Variants in SFXN5 observed in about 807,000 individuals in gnomAD.
SFXN5 encodes the protein sideroflexin 5, also known as sideroflexin-5.
Under a neutral mutation model 50.2 loss-of-function variants are expected in SFXN5, and 43 were observed. The observed-to-expected ratio is 0.86, with a 90% CI of 0.67 to 1.11. The LOEUF is 1.11. SFXN5 is among the 50% of genes least tolerant of loss of function. The probability of loss-of-function intolerance (pLI) is 0.00; values close to 1 mark genes in which losing one functional copy is unlikely to be tolerated. For missense variants in SFXN5, 463 were observed against 454.1 expected (o/e 1.02, Z -0.18); for synonymous variants, 203 against 185.8 (o/e 1.09, Z -0.75).
At chr2:72,948,590 G>A (rs1672196115) in intron 13 of SFXN5, among the ~76,000 whole-genome samples, 2 of 152,222 alleles carry the variant, frequency 1.3e-5, no homozygotes, top group Non-Finnish European at 2.9e-5. Flanking sequence ...CACCATGCAG[G>A]ACCACGGCCC....
At chr2:72,974,525 C>T (rs1458005080) in intron 10 of SFXN5, among the ~76,000 whole-genome samples, 1 of 152,146 alleles carries the variant, frequency 6.6e-6, no homozygotes, top group Non-Finnish European at 1.5e-5. Flanking sequence ...ATGATGGTAC[C>T]TGCCCCCTCC....
intron 9 of SFXN5, among the ~76,000 whole-genome samples, chr2:72,989,738 G>A (rs530916946): frequency 6.6e-6 from 1 of 152,214 alleles, no homozygotes; most frequent in African/African-American, 2.4e-5. Context: ...GTGGAGAAAT[G>A]CATACAAGTG....
chr2:73,037,695 T>C (rs1351592593), intron 3 of SFXN5, among the ~76,000 whole-genome samples: 4 of 152,184 alleles, frequency 2.6e-5, no homozygotes, highest in Non-Finnish European at 4.4e-5. Flanking sequence ...TCAACAGCTA[T>C]ATTGGAACCC....
chr2:72,963,109 CAG>C (rs1036121233), intron 12 of SFXN5, among the ~76,000 whole-genome samples: 7 of 152,302 alleles, frequency 4.6e-5, no homozygotes, highest in Admixed American at 2.0e-4. Context: ...AAGCTTCATA[CAG>C]AGTCTGGAGG....
intron 3 of SFXN5, among the ~76,000 whole-genome samples, chr2:73,031,131 C>A (rs1450546817): frequency 6.6e-6 from 1 of 152,212 alleles, no homozygotes; most frequent in Non-Finnish European, 1.5e-5. Context: ...ATTGTGTTGT[C>A]CATAGTCATA....
chr2:73,011,333 G>A (rs568646181), intron 6 of SFXN5, among the ~76,000 whole-genome samples: 2 of 152,342 alleles, frequency 1.3e-5, no homozygotes, highest in South Asian at 2.1e-4. Context: ...GGGATTACAC[G>A]TGTGAGCCAC....
intron 1 of SFXN5, chr2:73,071,377 G>A: frequency 1.9e-6 from 1 of 534,746 alleles, no homozygotes. Context: ...CGGGCAGTCG[G>A]GGAGTGACGG....
At chr2:73,016,634 T>C (rs1175065740) in intron 6 of SFXN5, among the ~76,000 whole-genome samples, 1 of 152,152 alleles carries the variant, frequency 6.6e-6, no homozygotes, top group Non-Finnish European at 1.5e-5. Flanking sequence ...GAACCTGGCA[T>C]CCGAGGCTGC....
At chr2:72,988,917 T>C (rs1427415018) in intron 9 of SFXN5, among the ~76,000 whole-genome samples, 2 of 151,920 alleles carry the variant, frequency 1.3e-5, no homozygotes, top group African/African-American at 4.8e-5. Context: ...CTGGACTCAC[T>C]GTCATCGCCT....
intron 3 of SFXN5, among the ~76,000 whole-genome samples, chr2:73,034,850 T>C (rs564659523): frequency 2.2e-4 from 33 of 152,326 alleles, no homozygotes; most frequent in African/African-American, 7.7e-4. Context: ...CCCCACACAA[T>C]GCATCCAGCA....
chr2:72,971,044 G>A (rs1267880014), intron 11 of SFXN5, among the ~76,000 whole-genome samples: 1 of 152,138 alleles, frequency 6.6e-6, no homozygotes, highest in African/African-American at 2.4e-5. Flanking sequence ...TGAAACCAGT[G>A]GCGAAAGAAG....
intron 9 of SFXN5, among the ~76,000 whole-genome samples, chr2:72,991,505 G>A (rs1457326668): frequency 6.6e-6 from 1 of 152,276 alleles, no homozygotes; most frequent in Non-Finnish European, 1.5e-5. Flanking sequence ...GATGGGCCCA[G>A]TGGCAGGGAG....
At chr2:72,946,434 C>A (rs529746640) in intron 13 of SFXN5, among the ~76,000 whole-genome samples, 1 of 152,178 alleles carries the variant, frequency 6.6e-6, no homozygotes, top group African/African-American at 2.4e-5. Flanking sequence ...TTCACGACAC[C>A]CACTGCATGC....
chr2:73,021,727 C>T (rs1056485509), intron 5 of SFXN5, among the ~76,000 whole-genome samples: 7 of 152,292 alleles, frequency 4.6e-5, no homozygotes, highest in African/African-American at 1.7e-4. Context: ...GCAGCAGTGC[C>T]CTCCCATTCC....
At chr2:73,039,876 T>A (rs1228140427) in intron 3 of SFXN5, among the ~76,000 whole-genome samples, 1 of 151,942 alleles carries the variant, frequency 6.6e-6, no homozygotes, top group Non-Finnish European at 1.5e-5. Flanking sequence ...AGTGGCGCAG[T>A]CTCGGCTCAC....
At chr2:72,998,662 G>C (rs576052361) in intron 9 of SFXN5, 1 of 435,408 alleles carries the variant, frequency 2.3e-6, no homozygotes, top group East Asian at 4.0e-5. Context: ...CTTCCGAGCA[G>C]AGTGCTGGGC....
chr2:73,013,444 T>TGTGTGTGTGTGTG (rs1553518120), intron 6 of SFXN5, among the ~76,000 whole-genome samples: 2 of 148,466 alleles, frequency 1.3e-5, no homozygotes, highest in Admixed American at 6.7e-5. Flanking sequence ...TGTGTGTGTG[T>TGTGTGTGTGTGTG]TTGAGAGATA....
intron 2 of SFXN5, among the ~76,000 whole-genome samples, chr2:73,050,857 T>C (rs183870944): frequency 4.6e-5 from 7 of 152,328 alleles, no homozygotes; most frequent in African/African-American, 1.7e-4. Flanking sequence ...ATGCTCTGCT[T>C]CCCTTTTCAT....
chr2:73,070,781 G>C (rs897121818), intron 1 of SFXN5: 1 of 152,382 alleles, frequency 6.6e-6, no homozygotes, highest in African/African-American at 2.4e-5. Context: ...GAGCCTGAGC[G>C]GGTGTGCCCA....
Sources: allele counts gnomAD v4.1 joint callset (sites outside exome capture counted in the v4.1 genomes callset), GRCh38; gene constraint gnomAD v4.1.1; transcripts MANE v1.5; gene names NCBI Gene and HGNC (gene_info 2026-07-23, HGNC 2026-07-21).